Variants in LRRC8B observed in about 807,000 individuals in gnomAD.
LRRC8B encodes volume-regulated anion channel subunit LRRC8B.
In LRRC8B, 23 loss-of-function variants were observed where a neutral mutation model predicts 58.8. The observed-to-expected ratio is 0.39, with a 90% confidence interval of 0.28 to 0.55. The LOEUF (loss-of-function observed/expected upper bound fraction) is 0.55. Ranked by LOEUF, LRRC8B falls within the 20% of genes least tolerant of loss-of-function variation. The probability of loss-of-function intolerance (pLI) is 0.62; values close to 1 mark genes in which losing one functional copy is unlikely to be tolerated. For missense variants in LRRC8B, 694 were observed against 936.0 expected (o/e 0.74, Z 3.37); for synonymous variants, 359 against 374.1 (o/e 0.96, Z 0.47).
chr1:89,556,609 C>T (rs1184787008), intron 1 of LRRC8B, among the ~76,000 whole-genome samples: 4 of 151,906 alleles, frequency 2.6e-5, no homozygotes, highest in African/African-American at 9.7e-5. Context: ...TTTAGGACAC[C>T]CAGTTGGTGT....
intron 1 of LRRC8B, among the ~76,000 whole-genome samples, chr1:89,554,577 C>T (rs1652044542): frequency 6.6e-6 from 1 of 152,068 alleles, no homozygotes; most frequent in African/African-American, 2.4e-5. Context: ...TCATGATTGT[C>T]GAGTACACCT....
intron 1 of LRRC8B, among the ~76,000 whole-genome samples, chr1:89,560,760 C>T (rs1358087946): frequency 2.7e-4 from 41 of 149,996 alleles, no homozygotes; most frequent in Non-Finnish European, 3.4e-4. Context: ...TGTATATGTG[C>T]CACATTTTCT....
At position 89,531,252 on chromosome 1, in the gene LRRC8B, A is replaced by C. The variant is rs1650111001; in HGVS notation, c.-241+6230A>C. On this transcript the variant is annotated intron_variant, in intron 1 of 5. Coordinates refer to ENST00000330947, the MANE Select transcript of LRRC8B (RefSeq NM_001369817.2). ...GTAGGGAAGTTTAAATTTTTCCCTGAAGGTTTGATAATTTGAGTCTATGAA... is the reference window on the plus strand; with the variant it reads ...GTAGGGAAGTTTAAATTTTTCCCTGCAGGTTTGATAATTTGAGTCTATGAA... 2.6e-5 allele frequency among the ~76,000 whole-genome samples: 4 copies of C among 152,226 alleles called. No homozygotes were observed. In the South Asian group the frequency reaches 8.3e-4, roughly 31 times the overall value.
At chr1:89,531,761 C>G (rs768366005) in intron 1 of LRRC8B, among the ~76,000 whole-genome samples, 1 of 152,160 alleles carries the variant, frequency 6.6e-6, no homozygotes, top group Non-Finnish European at 1.5e-5. Flanking sequence ...TTTTGCCCTC[C>G]GAACAGCCAT....
chr1:89,557,141 C>T (rs1464832292), intron 1 of LRRC8B, among the ~76,000 whole-genome samples: 1 of 152,198 alleles, frequency 6.6e-6, no homozygotes, highest in African/African-American at 2.4e-5. Flanking sequence ...TGTTTTGTCA[C>T]AGTGAAACAA....
chr1:89,542,400 A>G (rs1158237677), intron 1 of LRRC8B, among the ~76,000 whole-genome samples: 1 of 152,212 alleles, frequency 6.6e-6, no homozygotes, highest in Non-Finnish European at 1.5e-5. Flanking sequence ...TATAAATTCC[A>G]TGAGGTAGAG....
In LRRC8B at chr1:89,583,175, G is replaced by A. The variant is rs1224306204; in HGVS notation, c.525G>A (p.Glu175=). The A allele has an allele frequency of 6.8e-6, 11 of 1,614,064 alleles. No homozygotes were observed. In the African/African-American group the frequency reaches 1.3e-4, roughly 20 times the overall value. ...TTRALSETVA[E]QSVRPLKLSK... ...GCGCCCTTTCAGAAACAGTGGCTGA[G>A]CAGTCAGTGAGGCCTCTGAAACTCT... Residue 175 remains glutamate (E), a synonymous_variant, in exon 5 of 6, where the codon GAG becomes GAA. Transcript: ENST00000330947. This position sits in a 1 kb window ranked among gnomAD's most constrained non-coding sequence, Gnocchi z 5.2.
At chr1:89,528,081 ATATT>A (rs1649835069) in intron 1 of LRRC8B, among the ~76,000 whole-genome samples, 1 of 152,240 alleles carries the variant, frequency 6.6e-6, no homozygotes, top group African/African-American at 2.4e-5. Flanking sequence ...TAGACTGTAT[ATATT>A]TAAACTTCAT....
chr1:89,559,614 AAAT>A (rs1351179508), intron 1 of LRRC8B, among the ~76,000 whole-genome samples: 1 of 91,220 alleles, frequency 1.1e-5, no homozygotes, highest in Non-Finnish European at 2.4e-5. Flanking sequence ...AAAAAAAAAA[AAAT>A]ATATATATAT....
chr1:89,532,255 C>A (rs1650195400), intron 1 of LRRC8B, among the ~76,000 whole-genome samples: 1 of 152,114 alleles, frequency 6.6e-6, no homozygotes, highest in African/African-American at 2.4e-5. Flanking sequence ...TGCTCTATTC[C>A]CCTCACCCCC....
chr1:89,591,969 G>A (rs746577788), intron 5 of LRRC8B, among the ~76,000 whole-genome samples: 4 of 152,158 alleles, frequency 2.6e-5, no homozygotes, highest in Non-Finnish European at 5.9e-5. Flanking sequence ...TGAAGGGATT[G>A]TGTATGTGCT....
rs1275018978 is a variant in LRRC8B, at chr1:89,596,527, GCA to G, written c.*3485_*3486del. ...AAATTTTATGTTTAATTAAAATATTGCATAATATTGATGGGTTCAAAAACCAT... is the reference window on the plus strand; with the variant it reads ...AAATTTTATGTTTAATTAAAATATTGTAATATTGATGGGTTCAAAAACCAT... On this transcript the variant is annotated 3_prime_UTR_variant, in exon 6 of 6. Coordinates refer to ENST00000330947, the MANE Select transcript of LRRC8B (RefSeq NM_001369817.2). 24 of 152,052 alleles carry G rather than the reference GCA, an allele frequency of 1.6e-4. No homozygotes were observed. Among genetic ancestry groups the G allele is most frequent in the African/African-American group, 5.5e-4 (23 of 41,480 alleles). The allele number at this position is 152,052 out of a possible 1,614,324, so 9.4% of individuals were successfully genotyped here.
At chr1:89,525,421 A>G (rs112851380) in intron 1 of LRRC8B, among the ~76,000 whole-genome samples, 24 of 152,298 alleles carry the variant, frequency 1.6e-4, no homozygotes, top group African/African-American at 5.8e-4. Flanking sequence ...CTCGCTCCAG[A>G]TGAGCGCAAC....
Position 89,584,085 on chromosome 1 carries a change from C to T in LRRC8B, c.1435C>T (p.His479Tyr). 6.2e-7 allele frequency: 1 copy of T among 1,614,068 alleles called. No homozygotes were observed. The highest frequency in any genetic ancestry group is 8.5e-7 in the Non-Finnish European group (1 of 1,180,032). Residue 479 changes from histidine (H) to tyrosine (Y), a missense_variant, in exon 5 of 6, where the codon CAT (histidine) becomes TAT (tyrosine). By Grantham distance (83) the His-to-Tyr change is moderately conservative. Transcript: ENST00000330947. ...GTACCATTCATCTCTGGTCGTAGAC[C>T]ATCCTGCACTGGCCTTTCTAGAGGA... ...RVYHSSLVVD[H>Y]PALAFLEENL...
At position 89,592,751 on chromosome 1, in the gene LRRC8B, CT is replaced by C. The variant is rs1169172362; in HGVS notation, c.2140-14del. 4 of 1,584,950 alleles carry C rather than the reference CT, an allele frequency of 2.5e-6. No homozygotes were observed. Among genetic ancestry groups the C allele is most frequent in the Non-Finnish European group, 3.4e-6 (4 of 1,164,232 alleles). ...CACCAAAAACCTATTTTACCAGCTT[CT>C]TTTTTCTTCCCTTTCCAGATTGAGA... On this transcript the variant is annotated intron_variant, in intron 5 of 5. Transcript: ENST00000330947.
At chr1:89,559,636 A>G (rs1377301172) in intron 1 of LRRC8B, among the ~76,000 whole-genome samples, 1 of 150,992 alleles carries the variant, frequency 6.6e-6, no homozygotes, top group African/African-American at 2.4e-5. Flanking sequence ...ATATACACAC[A>G]CACACACACA....
chr1:89,580,139 G>A (rs1654115046), intron 4 of LRRC8B, among the ~76,000 whole-genome samples: 1 of 152,188 alleles, frequency 6.6e-6, no homozygotes, highest in Admixed American at 6.5e-5. Flanking sequence ...TGAGGTTGTT[G>A]CGCAAAAATG....
chr1:89,559,475 A>G (rs751979863), intron 1 of LRRC8B, among the ~76,000 whole-genome samples: 7 of 151,994 alleles, frequency 4.6e-5, no homozygotes, highest in Non-Finnish European at 1.0e-4. Flanking sequence ...CTCTACAAAA[A>G]AATTAAAAAA....
At chr1:89,590,628 TG>T in intron 5 of LRRC8B, among the ~76,000 whole-genome samples, 1 of 152,216 alleles carries the variant, frequency 6.6e-6, no homozygotes, top group Non-Finnish European at 1.5e-5. Flanking sequence ...AGGAGACTGG[TG>T]GGAATGTGGT....
Sources: allele counts gnomAD v4.1 joint callset (sites outside exome capture counted in the v4.1 genomes callset), GRCh38; gene constraint gnomAD v4.1.1; non-coding constraint Gnocchi (gnomAD v3.1); transcripts MANE v1.5; gene names NCBI Gene and HGNC (gene_info 2026-07-23, HGNC 2026-07-21).